Variants in PCDH19 observed in about 807,000 individuals in gnomAD.
The protein encoded by PCDH19 is protocadherin 19.
PCDH19 carries 6 observed loss-of-function variants against 46.2 expected under a neutral mutation model. The observed-to-expected ratio is 0.13, with a 90% CI of 0.07 to 0.26. The LOEUF (loss-of-function observed/expected upper bound fraction) is 0.26. Among genes scored for constraint, PCDH19 ranks in the 10% least tolerant of loss-of-function variants. PCDH19 has a pLI of 1.00. For missense variants in PCDH19, 740 were observed against 972.3 expected (o/e 0.76, Z 3.18); for synonymous variants, 481 against 415.7 (o/e 1.16, Z -1.91).
intron 5 of PCDH19, among the ~76,000 whole-genome samples, chrX:100,319,029 A>T (rs1925397398): frequency 8.9e-6 from 1 of 111,939 alleles, no homozygotes; most frequent in African/African-American, 3.2e-5. Flanking sequence ...TCAAATTTTA[A>T]AAATAGACCT....
intron 3 of PCDH19, among the ~76,000 whole-genome samples, chrX:100,365,475 C>A (rs1247262698): frequency 3.6e-5 from 4 of 111,532 alleles, no homozygotes; most frequent in African/African-American, 1.3e-4. Flanking sequence ...TTAATTATTT[C>A]TTCAGGCCAT....
intron 5 of PCDH19, among the ~76,000 whole-genome samples, chrX:100,316,460 C>G (rs1051557555): frequency 8.9e-6 from 1 of 111,799 alleles, no homozygotes; most frequent in African/African-American, 3.3e-5. Flanking sequence ...TGATACTCCC[C>G]CAAGAATAAC....
intron 4 of PCDH19, among the ~76,000 whole-genome samples, chrX:100,345,213 G>C (rs774535070): frequency 3.9e-4 from 44 of 111,455 alleles, no homozygotes; most frequent in African/African-American, 1.3e-3. Flanking sequence ...TCATTATTCT[G>C]TGTAGTAATG....
At chrX:100,317,321 T>A (rs1011646983) in intron 5 of PCDH19, among the ~76,000 whole-genome samples, 1 of 112,272 alleles carries the variant, frequency 8.9e-6, no homozygotes, top group African/African-American at 3.2e-5. Context: ...AGACTAAGAC[T>A]ACTCCTTGCT....
chrX:100,317,150 C>T (rs1270405495), intron 5 of PCDH19, among the ~76,000 whole-genome samples: 2 of 111,611 alleles, frequency 1.8e-5, no homozygotes, highest in African/African-American at 3.3e-5. Flanking sequence ...AAGCCGACTC[C>T]GCAGGGTGTG....
intron 5 of PCDH19, among the ~76,000 whole-genome samples, chrX:100,308,798 T>C (rs1388203511): frequency 9.0e-6 from 1 of 111,407 alleles, no homozygotes; most frequent in Non-Finnish European, 1.9e-5. Context: ...TCACTAATTA[T>C]CAGGGAAATG....
chrX:100,328,405 C>G (rs917152195), intron 5 of PCDH19, among the ~76,000 whole-genome samples: 1 of 111,712 alleles, frequency 9.0e-6, no homozygotes, highest in African/African-American at 3.3e-5. Context: ...ACAGTTTGAA[C>G]GTTGAGTGGG....
intron 5 of PCDH19, among the ~76,000 whole-genome samples, chrX:100,306,089 T>C (rs1353200079): frequency 9.0e-6 from 1 of 111,554 alleles, no homozygotes; most frequent in Non-Finnish European, 1.9e-5. Context: ...TTACAGAACA[T>C]TATACCCAAC....
At chrX:100,342,709 T>A (rs1232252755) in intron 4 of PCDH19, among the ~76,000 whole-genome samples, 1 of 112,098 alleles carries the variant, frequency 8.9e-6, no homozygotes, top group East Asian at 2.8e-4. Flanking sequence ...ACTAACCAAC[T>A]GTAAAAAGCA....
Position 100,382,038 on chromosome X carries a change from T to C in PCDH19, c.2616+20486A>G, listed in dbSNP as rs146695445. Among the ~76,000 whole-genome samples the C allele has an allele frequency of 2.7e-4, 30 of 110,585 alleles. No individual in the cohort carries two copies. The East Asian group carries it at 8.2e-3, about 30-fold the overall frequency. ...TGTACTGAAATGAACAGAAAATGGT[T>C]AGTACTCAACTGCTGACTATTGGGA... is the stretch of plus-strand genomic sequence containing the variant. On this transcript the variant is annotated intron_variant, in intron 3 of 5. Coordinates refer to ENST00000373034, the MANE Select transcript of PCDH19 (RefSeq NM_001184880.2).
At position 100,293,586 on chromosome X, in the gene PCDH19, A is replaced by G. The variant is rs1421957789; in HGVS notation, c.*2691T>C. 9.0e-6 allele frequency: 1 copy of G among 111,629 alleles called. No homozygotes were observed. Among genetic ancestry groups the G allele is most frequent in the East Asian group, 2.8e-4 (1 of 3,539 alleles). The allele number at this position is 111,629 out of a possible 1,213,427, so 9.2% of individuals were successfully genotyped here. A position where few individuals can be genotyped will look rare whatever the true frequency, so the allele number is the denominator to read the frequency against. On this transcript the variant is annotated 3_prime_UTR_variant, in exon 6 of 6. Coordinates refer to ENST00000373034, the MANE Select transcript of PCDH19 (RefSeq NM_001184880.2). ...GCCTATTTGCAGGTACAGCCTGCCT[A>G]CAAAACCAGTTTACAAAGCCTTCCT...
At chrX:100,314,998 T>C (rs1925252850) in intron 5 of PCDH19, among the ~76,000 whole-genome samples, 1 of 111,698 alleles carries the variant, frequency 9.0e-6, no homozygotes, top group African/African-American at 3.3e-5. Flanking sequence ...ACAGCAAATC[T>C]TTCTGCTTAG....
chrX:100,393,299 T>C (rs1027483234), intron 3 of PCDH19, among the ~76,000 whole-genome samples: 3 of 110,510 alleles, frequency 2.7e-5, no homozygotes, highest in African/African-American at 9.9e-5. Flanking sequence ...ACCAGCAGAA[T>C]GTCAAAGAGT....
At chrX:100,375,827 G>A (rs987108814) in intron 3 of PCDH19, among the ~76,000 whole-genome samples, 1 of 112,333 alleles carries the variant, frequency 8.9e-6, no homozygotes, top group Admixed American at 9.4e-5. Flanking sequence ...CTAATGAAAT[G>A]GTGCTATGGT....
At chrX:100,358,472 A>C (rs1280232887) in intron 3 of PCDH19, among the ~76,000 whole-genome samples, 1 of 112,362 alleles carries the variant, frequency 8.9e-6, no homozygotes, top group Non-Finnish European at 1.9e-5. Flanking sequence ...TAGAGGTGGC[A>C]AAGATGGCTT....
intron 3 of PCDH19, among the ~76,000 whole-genome samples, chrX:100,362,484 G>A (rs1056171355): frequency 6.3e-5 from 7 of 110,729 alleles, no homozygotes; most frequent in Non-Finnish European, 7.5e-5. Flanking sequence ...GGTAGACCCA[G>A]CTTCATTTAG....
intron 5 of PCDH19, among the ~76,000 whole-genome samples, chrX:100,338,608 A>G (rs1282447168): frequency 9.2e-6 from 1 of 108,953 alleles, no homozygotes; most frequent in Non-Finnish European, 1.9e-5. Context: ...AAATATAGTG[A>G]TTCTGGGTTC....
In PCDH19 at chrX:100,408,043, G is replaced by A. The variant is rs2147541482; in HGVS notation, c.555C>T (p.Ser185=). The change falls in exon 1 of 6, where the codon TCC becomes TCT. Residue 185 remains serine, a synonymous_variant. Transcript: ENST00000373034. ...GLEIKTRGDG[S]RFAELVVEKS... ...TTTCCACCACGAGTTCGGCAAAGCG[G>A]GAGCCGTCGCCGCGCGTCTTGATCT... The A allele has an allele frequency of 1.7e-6, 2 of 1,208,921 alleles. No individual in the cohort carries two copies. Among genetic ancestry groups the A allele is most frequent in the Middle Eastern group, 2.3e-4 (1 of 4,354 alleles).
chrX:100,395,701 G>A (rs1234517147), intron 3 of PCDH19, among the ~76,000 whole-genome samples: 4 of 113,088 alleles, frequency 3.5e-5, no homozygotes, highest in South Asian at 7.2e-4. Flanking sequence ...TCAAGCTCCC[G>A]GAGTTGGCAG....
Sources: allele counts gnomAD v4.1 joint callset (sites outside exome capture counted in the v4.1 genomes callset), GRCh38; gene constraint gnomAD v4.1.1; transcripts MANE v1.5; gene names NCBI Gene and HGNC (gene_info 2026-07-23, HGNC 2026-07-21).